PDE9A: variants seen among roughly 807,000 people sequenced by gnomAD.
PDE9A encodes phosphodiesterase 9A.
PDE9A carries 60 observed loss-of-function variants against 87.4 expected under a neutral mutation model. That is an observed-to-expected ratio of 0.69 (90% confidence interval 0.56 to 0.85). The LOEUF is 0.85. Ranked by LOEUF, PDE9A falls within the 40% of genes least tolerant of loss-of-function variation. The pLI is 0.00. For synonymous variants in PDE9A, 272 were observed against 279.4 expected (o/e 0.97, Z 0.27); for missense variants, 665 against 779.0 (o/e 0.85, Z 1.74).
intron 1 of PDE9A, among the ~76,000 whole-genome samples, chr21:42,684,779 G>A (rs574160166): frequency 6.6e-6 from 1 of 152,270 alleles, no homozygotes; most frequent in East Asian, 1.9e-4. Flanking sequence ...CAGGAACCAC[G>A]CAATGACACA....
intron 4 of PDE9A, among the ~76,000 whole-genome samples, chr21:42,729,794 C>T (rs148204652): frequency 8.5e-5 from 13 of 152,234 alleles, no homozygotes; most frequent in East Asian, 3.9e-4. Context: ...TAAGTTTCCA[C>T]GTGTTTGGAG....
intron 1 of PDE9A, among the ~76,000 whole-genome samples, chr21:42,677,025 G>A (rs182579257): frequency 2.0e-5 from 3 of 152,292 alleles, no homozygotes; most frequent in Admixed American, 2.0e-4. Context: ...GGGAGGAGCA[G>A]AGCCCGCTCT....
In PDE9A at chr21:42,733,318, G is replaced by T. The variant is rs376669128; in HGVS notation, c.498-38G>T. The stretch of plus-strand genomic sequence containing the variant: ...CCGGTTTTGGCTCTGAGAATTTTAA[G>T]GGTCATATTTACTCTCTCTTTTCTT... On this transcript the variant is annotated intron_variant, in intron 6 of 19. Coordinates refer to ENST00000291539, the MANE Select transcript of PDE9A (RefSeq NM_002606.3). The T allele has an allele frequency of 9.0e-6, 11 of 1,219,374 alleles. No homozygotes were observed. The African/African-American group carries it at 1.5e-4, about 16-fold the overall frequency. 75.5% of individuals were successfully genotyped at this position (1,219,374 alleles called of 1,614,324 possible). A position where few individuals can be genotyped will look rare whatever the true frequency, so the allele number is the denominator to read the frequency against.
intron 4 of PDE9A, among the ~76,000 whole-genome samples, chr21:42,720,659 C>T (rs956349004): frequency 3.3e-5 from 5 of 152,116 alleles, no homozygotes; most frequent in Non-Finnish European, 5.9e-5. Flanking sequence ...TCGGGCTTGA[C>T]GATGTCATGA....
At chr21:42,752,046 T>C (rs912787976) in intron 9 of PDE9A, among the ~76,000 whole-genome samples, 14 of 152,002 alleles carry the variant, frequency 9.2e-5, no homozygotes, top group Admixed American at 5.2e-4. Flanking sequence ...CCGGCCCACC[T>C]GATTTGTAAT....
Position 42,760,928 on chromosome 21 carries a change from T to G in PDE9A, c.1085+21T>G. ...AACACGTATGTACAGGATTTTCTCT[T>G]TTTTTCCTTTTAAAAGGCACCCTGG... On this transcript the variant is annotated intron_variant, in intron 13 of 19. Coordinates refer to ENST00000291539, the MANE Select transcript of PDE9A (RefSeq NM_002606.3). The surrounding 1 kb of genome is among the most constrained non-coding windows in gnomAD (Gnocchi z 5.2). The G allele has an allele frequency of 1.9e-6, 3 of 1,558,786 alleles. No individual in the cohort carries two copies. The highest frequency in any genetic ancestry group is 2.7e-6 in the Non-Finnish European group (3 of 1,129,536).
chr21:42,757,651 G>A (rs1312366645), intron 10 of PDE9A: 1 of 152,110 alleles, frequency 6.6e-6, no homozygotes, highest in Non-Finnish European at 1.5e-5. Context: ...TTCTTGCTGG[G>A]GCCTCGGTCC....
At chr21:42,669,032 C>T (rs2145925479) in intron 1 of PDE9A, among the ~76,000 whole-genome samples, 1 of 152,176 alleles carries the variant, frequency 6.6e-6, no homozygotes, top group African/African-American at 2.4e-5. Context: ...TGCATACACG[C>T]GCTGAGGCCC....
intron 1 of PDE9A, 61 bp from the exon 2 acceptor site, chr21:42,686,131 C>G: frequency 7.8e-7 from 1 of 1,286,962 alleles, no homozygotes; most frequent in South Asian, 1.2e-5. Context: ...CACGTGGCGT[C>G]TGACGTCTCC....
In PDE9A at chr21:42,659,802, G is replaced by T. The variant is rs2057350044; in HGVS notation, c.69+5919G>T. On this transcript the variant is annotated intron_variant, in intron 1 of 19. Coordinates refer to ENST00000291539, the MANE Select transcript of PDE9A (RefSeq NM_002606.3). The surrounding 1 kb of genome is among the most constrained non-coding windows in gnomAD (Gnocchi z 4.1). ...TTCCAGCCAGCCTCTCCGGAGCTCA[G>T]TGTGGGTGGAGGGGCTGTCTGGCCT... Among the ~76,000 whole-genome samples the T allele has an allele frequency of 2.0e-5, 3 of 152,358 alleles. No individual in the cohort carries two copies. The highest frequency in any genetic ancestry group is 3.9e-4 in the East Asian group (2 of 5,188).
intron 4 of PDE9A, 54 bp downstream of exon 4, chr21:42,699,065 C>T (rs1274325932): frequency 5.8e-6 from 7 of 1,196,734 alleles, no homozygotes; most frequent in African/African-American, 3.0e-5. Context: ...AAATCTTGAG[C>T]TTGCCCCTGT....
Position 42,759,165 on chromosome 21 carries a change from C to A in PDE9A, c.897+80C>A. 1.9e-6 allele frequency: 2 copies of A among 1,035,902 alleles called. No individual in the cohort carries two copies. Among genetic ancestry groups the A allele is most frequent in the East Asian group, 2.4e-5 (1 of 40,890 alleles). The allele number at this position is 1,035,902 out of a possible 1,614,324, so 64.2% of individuals were successfully genotyped here. A position where few individuals can be genotyped will look rare whatever the true frequency, so the allele number is the denominator to read the frequency against. On this transcript the variant is annotated intron_variant, in intron 11 of 19. Coordinates refer to ENST00000291539, the MANE Select transcript of PDE9A (RefSeq NM_002606.3). The surrounding 1 kb of genome is among the most constrained non-coding windows in gnomAD (Gnocchi z 7.2). ...CACAGGAATGGAGGGAATGGATCACCAGGGCACCTTCCGGATGGCACTGCG... is the reference window on the plus strand; with the variant it reads ...CACAGGAATGGAGGGAATGGATCACAAGGGCACCTTCCGGATGGCACTGCG...
chr21:42,700,696 A>G (rs1198642504), intron 4 of PDE9A: 1 of 152,228 alleles, frequency 6.6e-6, no homozygotes, highest in Non-Finnish European at 1.5e-5. Context: ...CTACACAGAT[A>G]TTCATTTCTC....
At position 42,739,847 on chromosome 21, in the gene PDE9A, G is replaced by A. The variant is rs906457328; in HGVS notation, c.569-3929G>A. 6.6e-6 allele frequency among the ~76,000 whole-genome samples: 1 copy of A among 152,122 alleles called. No homozygotes were observed. The highest frequency in any genetic ancestry group is 6.5e-5 in the Admixed American group (1 of 15,276). On this transcript the variant is annotated intron_variant, in intron 7 of 19. Transcript: ENST00000291539. The surrounding 1 kb of genome is among the most constrained non-coding windows in gnomAD (Gnocchi z 4.1). ...TGCAAACTCATTTAGCAGCAAAAAT[G>A]TGATCTGAACTGACATGAAGCCCTT...
At chr21:42,738,617 C>G (rs2052743410) in intron 7 of PDE9A, among the ~76,000 whole-genome samples, 1 of 152,198 alleles carries the variant, frequency 6.6e-6, no homozygotes, top group East Asian at 1.9e-4. Flanking sequence ...AGAAAATCAC[C>G]CTTAGTTTTT....
In PDE9A at chr21:42,762,176, C is replaced by T. The variant is rs147262068; in HGVS notation, c.1179C>T (p.Leu393=). 1.9e-5 allele frequency: 30 copies of T among 1,614,186 alleles called. No homozygotes were observed. The South Asian group carries it at 2.4e-4, about 13-fold the overall frequency. Residue 393 remains leucine, a synonymous_variant, in exon 14 of 20, where the codon CTC becomes CTT. Coordinates refer to ENST00000291539, the MANE Select transcript of PDE9A (RefSeq NM_002606.3). ...ACTGCGCCGTGGCCTTCCAGATCCT[C>T]GCCGAGCCTGAGTGCAACATCTTCT... ...NHHCAVAFQI[L]AEPECNIFSN... is the part of the protein sequence containing the mutation.
chr21:42,679,641 T>C (rs1569135405), intron 1 of PDE9A, among the ~76,000 whole-genome samples: 1 of 152,050 alleles, frequency 6.6e-6, no homozygotes, highest in Non-Finnish European at 1.5e-5. Flanking sequence ...TAAGGGACCC[T>C]TCCCACAACC....
chr21:42,686,060 G>A, intron 1 of PDE9A, 132 bp from the exon 2 acceptor site: 1 of 645,656 alleles, frequency 1.5e-6, no homozygotes, highest in Non-Finnish European at 2.8e-6. Flanking sequence ...TGACATTCCC[G>A]TGCGTAGAGT....
At chr21:42,717,954 C>T (rs1002545336) in intron 4 of PDE9A, among the ~76,000 whole-genome samples, 3 of 151,284 alleles carry the variant, frequency 2.0e-5, no homozygotes, top group Non-Finnish European at 4.4e-5. Context: ...AGTTTTTGCT[C>T]TGTTGCCCAG....
Sources: gnomAD v4.1 joint callset for allele counts (sites outside exome capture counted in the v4.1 genomes callset) on GRCh38, gnomAD v4.1.1 for gene constraint, Gnocchi (gnomAD v3.1) non-coding constraint, MANE v1.5 for transcripts, NCBI Gene and HGNC (gene_info 2026-07-23, HGNC 2026-07-21) for gene names.